The following MSRA variants were observed in gnomAD, a reference collection of about 807,000 sequenced individuals.
MSRA encodes the protein mitochondrial peptide methionine sulfoxide reductase.
In MSRA, 54 loss-of-function variants were observed where a neutral mutation model predicts 31.3. The ratio of observed to expected loss-of-function variants is 1.73; its 90% CI spans 1.39 to 2.17. MSRA has a LOEUF of 2.17. Ranked by LOEUF, MSRA falls within the 30% of genes most tolerant of loss-of-function variation. The probability of loss-of-function intolerance (pLI) is 0.00; values close to 1 mark genes in which losing one functional copy is unlikely to be tolerated. For synonymous variants in MSRA, 169 were observed against 116.5 expected (o/e 1.45, Z -2.90); for missense variants, 507 against 300.9 (o/e 1.69, Z -5.07).
chr8:10,332,767 T>C (rs1359283853), intron 5 of MSRA, among the ~76,000 whole-genome samples: 1 of 152,204 alleles, frequency 6.6e-6, no homozygotes, highest in East Asian at 1.9e-4. Context: ...GAAATCTCTG[T>C]ATTACCCTTG....
Position 10,427,290 on chromosome 8 carries a change from C to G in MSRA, c.544-858C>G, listed in dbSNP as rs1809236756. On this transcript the variant is annotated intron_variant, in intron 5 of 5. Transcript: ENST00000317173. ...GAAAGAATTAGGGCACAGCTGAAAT[C>G]CAAAGGGGAGAAGAAGCAGGCTGAA... Among the ~76,000 whole-genome samples, 4 of 152,192 alleles carry G rather than the reference C, an allele frequency of 2.6e-5. No individual in the cohort carries two copies. In the South Asian group the frequency reaches 8.3e-4, roughly 31 times the overall value.
intron 3 of MSRA, among the ~76,000 whole-genome samples, chr8:10,258,328 C>T (rs1396775975): frequency 6.6e-6 from 1 of 152,218 alleles, no homozygotes; most frequent in African/African-American, 2.4e-5. Flanking sequence ...ATACAACACC[C>T]TTCCAAAGTG....
intron 1 of MSRA, among the ~76,000 whole-genome samples, chr8:10,203,735 T>A (rs1194825296): frequency 6.6e-6 from 1 of 152,234 alleles, no homozygotes; most frequent in Admixed American, 6.5e-5. Flanking sequence ...CTCCTGCAGT[T>A]ATAAAAAACT....
chr8:10,100,851 C>A (rs970139558), intron 1 of MSRA, among the ~76,000 whole-genome samples: 1 of 152,150 alleles, frequency 6.6e-6, no homozygotes, highest in Non-Finnish European at 1.5e-5. Context: ...CTCAGTCTTA[C>A]ACAATTAGAA....
intron 3 of MSRA, among the ~76,000 whole-genome samples, chr8:10,262,821 G>A (rs1798550950): frequency 6.6e-6 from 1 of 152,206 alleles, no homozygotes; most frequent in African/African-American, 2.4e-5. Flanking sequence ...TTGGACTGTT[G>A]CATGCCCGAA....
intron 2 of MSRA, among the ~76,000 whole-genome samples, chr8:10,228,303 C>T (rs1338125913): frequency 6.6e-6 from 1 of 152,130 alleles, no homozygotes; most frequent in Non-Finnish European, 1.5e-5. Flanking sequence ...GGCCAGGGAG[C>T]CGTGGAGAGG....
At position 10,298,203 on chromosome 8, in the gene MSRA, T is replaced by C. The variant is rs530256804; in HGVS notation, c.332-3331T>C. ...GTGTTCACAGTAGCATTGTTTGCAGTGGTAAAAAGGTAGAGGCAACCCACA... is the reference window on the plus strand; with the variant it reads ...GTGTTCACAGTAGCATTGTTTGCAGCGGTAAAAAGGTAGAGGCAACCCACA... On this transcript the variant is annotated intron_variant, in intron 3 of 5. Transcript: ENST00000317173. Among the ~76,000 whole-genome samples, 252 of 152,234 alleles carry C rather than the reference T, an allele frequency of 1.7e-3. 1 individual carries two copies. Among genetic ancestry groups the C allele is most frequent in the African/African-American group, 5.7e-3 (236 of 41,530 alleles).
At chr8:10,422,448 C>G (rs761477550) in intron 5 of MSRA, among the ~76,000 whole-genome samples, 1 of 152,180 alleles carries the variant, frequency 6.6e-6, no homozygotes, top group Non-Finnish European at 1.5e-5. Context: ...TTCCTGGGGT[C>G]ATTGAGGAAG....
intron 1 of MSRA, among the ~76,000 whole-genome samples, chr8:10,188,231 G>C (rs1192736155): frequency 1.3e-5 from 2 of 152,126 alleles, no homozygotes; most frequent in Non-Finnish European, 2.9e-5. Flanking sequence ...GATCTTATTT[G>C]GATTTCACCA....
chr8:10,419,827 A>G lies in MSRA; in HGVS notation c.544-8321A>G, dbSNP rs536613425. Among the ~76,000 whole-genome samples the G allele has an allele frequency of 1.9e-4, 29 of 152,278 alleles. 1 individual carries two copies. In the South Asian group the frequency reaches 6.0e-3, roughly 32 times the overall value. Reference sequence around the variant, plus strand: ...CTCTCTGTTAGCTTTCTGTCTTTATAATGGCATCATGGCCACTGGGATCAG... The same window carrying G: ...CTCTCTGTTAGCTTTCTGTCTTTATGATGGCATCATGGCCACTGGGATCAG... On this transcript the variant is annotated intron_variant, in intron 5 of 5. Coordinates refer to ENST00000317173, the MANE Select transcript of MSRA (RefSeq NM_012331.5).
chr8:10,240,779 C>T (rs1193857725), intron 2 of MSRA, among the ~76,000 whole-genome samples: 2 of 152,098 alleles, frequency 1.3e-5, no homozygotes, highest in Non-Finnish European at 2.9e-5. Flanking sequence ...AGTGGAGCTG[C>T]CCTGCATTTC....
chr8:10,367,899 C>G (rs1805259458), intron 5 of MSRA, among the ~76,000 whole-genome samples: 1 of 152,226 alleles, frequency 6.6e-6, no homozygotes, highest in African/African-American at 2.4e-5. Context: ...GCTTTTAAGA[C>G]TCTGCTCGTT....
intron 1 of MSRA, among the ~76,000 whole-genome samples, chr8:10,114,177 T>G (rs968134900): frequency 1.3e-5 from 2 of 152,254 alleles, no homozygotes; most frequent in African/African-American, 4.8e-5. Context: ...TAATCCATTT[T>G]ATTGACATAC....
At chr8:10,185,788 C>T (rs933927667) in intron 1 of MSRA, among the ~76,000 whole-genome samples, 3 of 152,184 alleles carry the variant, frequency 2.0e-5, no homozygotes, top group African/African-American at 7.2e-5. Flanking sequence ...TACGGAAACC[C>T]ACTCATCTTG....
intron 5 of MSRA, among the ~76,000 whole-genome samples, chr8:10,350,990 C>T (rs1436313272): frequency 3.3e-5 from 5 of 152,140 alleles, no homozygotes; most frequent in Non-Finnish European, 5.9e-5. Context: ...CTCCAGAACT[C>T]TTACTCCCCA....
chr8:10,073,010 A>G (rs1406698660), intron 1 of MSRA, among the ~76,000 whole-genome samples: 1 of 152,184 alleles, frequency 6.6e-6, no homozygotes, highest in South Asian at 2.1e-4. Flanking sequence ...TTTTTCAGAT[A>G]TTCTACATAG....
intron 3 of MSRA, among the ~76,000 whole-genome samples, chr8:10,248,400 C>A (rs538013369): frequency 1.3e-5 from 2 of 152,268 alleles, no homozygotes; most frequent in South Asian, 4.1e-4. Flanking sequence ...ACAGGGCCAG[C>A]TTTACCACCG....
chr8:10,224,838 C>T (rs1810853982), intron 2 of MSRA, among the ~76,000 whole-genome samples: 1 of 152,146 alleles, frequency 6.6e-6, no homozygotes, highest in South Asian at 2.1e-4. Context: ...ATCTACTCTC[C>T]TAGCCTTTTT....
At chr8:10,300,124 T>TGTG (rs1800761922) in intron 3 of MSRA, among the ~76,000 whole-genome samples, 1 of 149,556 alleles carries the variant, frequency 6.7e-6, no homozygotes, top group Admixed American at 6.7e-5. Context: ...TGGAAGAAAT[T>TGTG]TGTGTGTGTG....
Sources: gnomAD v4.1 joint callset for allele counts (sites outside exome capture counted in the v4.1 genomes callset) on GRCh38, gnomAD v4.1.1 for gene constraint, MANE v1.5 for transcripts, NCBI Gene and HGNC (gene_info 2026-07-23, HGNC 2026-07-21) for gene names.